SVEP1: variants seen among roughly 807,000 people sequenced by gnomAD.
SVEP1 encodes sushi, von Willebrand factor type A, EGF and pentraxin domain-containing protein 1.
SVEP1 carries 164 observed loss-of-function variants against 367.3 expected under a neutral mutation model. That is an observed-to-expected ratio of 0.45 (90% CI 0.39 to 0.51). The LOEUF is 0.51. Among genes scored for constraint, SVEP1 ranks in the 20% least tolerant of loss-of-function variants. The probability of loss-of-function intolerance (pLI) is 0.00; values close to 1 mark genes in which losing one functional copy is unlikely to be tolerated. For synonymous variants in SVEP1, 1,666 were observed against 1,611.6 expected (o/e 1.03, Z -0.81); for missense variants, 4,117 against 4,425.3 (o/e 0.93, Z 1.98).
rs1830671555 is a variant in SVEP1 at position 110,579,704 on chromosome 9, T to A, written c.-161A>T. ...CATCTGACACTGGGGACAGACACAA[T>A]CCAGACTCCTCAGCAGCTCGGGAAC... On this transcript the variant is annotated 5_prime_UTR_variant, in exon 1 of 48. Coordinates refer to ENST00000374469, the MANE Select transcript of SVEP1 (RefSeq NM_153366.4). This position sits in a 1 kb window ranked among gnomAD's most constrained non-coding sequence, Gnocchi z 5.3. 1 of 814,500 alleles carries A rather than the reference T, an allele frequency of 1.2e-6. No individual in the cohort carries two copies. Among genetic ancestry groups the A allele is most frequent in the Non-Finnish European group, 1.8e-6 (1 of 562,668 alleles). 50.5% of individuals were successfully genotyped at this position (814,500 alleles called of 1,614,324 possible).
intron 5 of SVEP1, among the ~76,000 whole-genome samples, chr9:110,505,598 A>C (rs192618238): frequency 2.0e-5 from 3 of 151,914 alleles, no homozygotes; most frequent in Admixed American, 2.0e-4. Flanking sequence ...TTCCCAGATC[A>C]TTCTCTCTCC....
Position 110,406,766 on chromosome 9 carries a change from T to G in SVEP1, c.8834A>C (p.Lys2945Thr), listed in dbSNP as rs770889615. ...TTCAGGAGGTCCACAGTTGACTGGT[T>G]TACAGAGAGGAATCTCTGCATCCCA... is the stretch of plus-strand genomic sequence containing the variant. ...GNWDAEIPLC[K>T]PVNCGPPEDL... Residue 2945 changes from lysine to threonine, a missense_variant, in exon 38 of 48, where the codon AAA becomes ACA. Coordinates refer to ENST00000374469, the MANE Select transcript of SVEP1 (RefSeq NM_153366.4). 1 of 1,614,026 alleles carries G rather than the reference T, an allele frequency of 6.2e-7. No homozygotes were observed. The highest frequency in any genetic ancestry group is 8.5e-7 in the Non-Finnish European group (1 of 1,179,896).
chr9:110,428,834 G>T (rs893779915), intron 35 of SVEP1, among the ~76,000 whole-genome samples: 1 of 152,192 alleles, frequency 6.6e-6, no homozygotes, highest in Non-Finnish European at 1.5e-5. Flanking sequence ...ACTTTGGGAG[G>T]TTGAGGCAGG....
chr9:110,450,467 G>GTTT (rs10656079), intron 23 of SVEP1, among the ~76,000 whole-genome samples: 17,590 of 101,842 alleles, frequency 0.17, 2,216 homozygotes, highest in African/African-American at 0.23. Flanking sequence ...TTGATAATCT[G>GTTT]TTTTTTTTTT....
chr9:110,420,078 C>T lies in SVEP1; in HGVS notation c.5975+7513G>A, dbSNP rs991008051. Among the ~76,000 whole-genome samples, 5 of 25,720 alleles carry T rather than the reference C, an allele frequency of 1.9e-4. 1 individual carries two copies. Among genetic ancestry groups the T allele is most frequent in the Admixed American group, 1.5e-3 (5 of 3,306 alleles). 16.9% of individuals were successfully genotyped at this position (25,720 alleles called of 152,430 possible). A position where few individuals can be genotyped will look rare whatever the true frequency, so the allele number is the denominator to read the frequency against. ...AGAACTAGAAAAGCAAGAGCAAACA[C>T]ATTCAAAAGCTAGCAGAAGGCAAGA... On this transcript the variant is annotated intron_variant, in intron 36 of 47. Transcript: ENST00000374469.
intron 3 of SVEP1, among the ~76,000 whole-genome samples, chr9:110,523,281 A>T (rs1829900285): frequency 6.6e-6 from 1 of 152,162 alleles, no homozygotes; most frequent in African/African-American, 2.4e-5. Flanking sequence ...TATCATTCAA[A>T]CCAAGTTGAA....
At chr9:110,471,711 G>A (rs895216719) in intron 15 of SVEP1, 114 bp from the exon 16 acceptor site, 25 of 729,468 alleles carry the variant, frequency 3.4e-5, no homozygotes, top group Middle Eastern at 3.3e-4. Context: ...CTAATAAGTG[G>A]TCTATAGAAA....
Position 110,515,474 on chromosome 9 carries a change from G to T in SVEP1, c.965-1368C>A, listed in dbSNP as rs185418773. On this transcript the variant is annotated intron_variant, in intron 3 of 47. Coordinates refer to ENST00000374469, the MANE Select transcript of SVEP1 (RefSeq NM_153366.4). ...CGCCACCACGCCTGGCTAATTTTTTGTATTTTTAGTAGAGACGGGGTTTCA... is the reference window on the plus strand; with the variant it reads ...CGCCACCACGCCTGGCTAATTTTTTTTATTTTTAGTAGAGACGGGGTTTCA... Among the ~76,000 whole-genome samples the T allele has an allele frequency of 6.3e-3, 960 of 151,916 alleles. 11 individuals carry two copies. Among genetic ancestry groups the T allele is most frequent in the African/African-American group, 0.022 (919 of 41,462 alleles).
intron 3 of SVEP1, among the ~76,000 whole-genome samples, chr9:110,527,353 A>C (rs1002013921): frequency 3.3e-5 from 5 of 152,064 alleles, no homozygotes; most frequent in Non-Finnish European, 7.4e-5. Flanking sequence ...ATATCCAGAA[A>C]TATTCAAAGC....
chr9:110,453,170 C>A (rs1342222607), intron 22 of SVEP1, among the ~76,000 whole-genome samples: 3 of 152,040 alleles, frequency 2.0e-5, no homozygotes, highest in South Asian at 2.1e-4. Flanking sequence ...AAATTATATA[C>A]CCACACATAT....
At chr9:110,413,663 T>TG (rs532690793) in intron 36 of SVEP1, among the ~76,000 whole-genome samples, 119 of 152,120 alleles carry the variant, frequency 7.8e-4, no homozygotes, top group Non-Finnish European at 1.5e-3. Context: ...CATATAATGA[T>TG]GGATTGATGA....
chr9:110,454,481 T>C (rs1828745628), intron 22 of SVEP1, among the ~76,000 whole-genome samples: 1 of 152,202 alleles, frequency 6.6e-6, no homozygotes, highest in Admixed American at 6.5e-5. Flanking sequence ...GAAAATAAAT[T>C]GTTCTACCAA....
chr9:110,392,133 T>TTATATATATATATA (rs35109985), intron 40 of SVEP1, among the ~76,000 whole-genome samples: 2,431 of 98,948 alleles, frequency 0.025, 51 homozygotes, highest in African/African-American at 0.036. Flanking sequence ...CAATTCCTCA[T>TTATATATATATATA]TATATATATA....
intron 9 of SVEP1, among the ~76,000 whole-genome samples, chr9:110,486,655 C>CTCT (rs1554718855): frequency 4.8e-5 from 7 of 146,524 alleles, no homozygotes; most frequent in African/African-American, 1.0e-4. Context: ...CTCTCTCTCT[C>CTCT]TTTTTTTTTT....
chr9:110,562,957 G>A (rs933895627), intron 1 of SVEP1, among the ~76,000 whole-genome samples: 2 of 152,166 alleles, frequency 1.3e-5, no homozygotes, highest in African/African-American at 4.8e-5. Flanking sequence ...CTCTGAAAGT[G>A]CCTCATCACT....
chr9:110,441,812 T>TA (rs1378624378), intron 27 of SVEP1, among the ~76,000 whole-genome samples: 1 of 152,210 alleles, frequency 6.6e-6, no homozygotes, highest in East Asian at 1.9e-4. Context: ...TACACCCTAT[T>TA]ACTTCTTTCT....
At position 110,407,250 on chromosome 9, in the gene SVEP1, C is replaced by T. The variant is rs781324402; in HGVS notation, c.8350G>A (p.Gly2784Arg). ...GTGTAGTTGCTTCCTTTGATGGATCCATTCATGACTGGATTTGGCTTTTTG... is the reference window on the plus strand; with the variant it reads ...GTGTAGTTGCTTCCTTTGATGGATCTATTCATGACTGGATTTGGCTTTTTG... The part of the protein sequence containing the change: ...SCKKPNPVMN[G>R]SIKGSNYTYL... The change falls in exon 38 of 48, where the codon GGA becomes AGA. Residue 2784 changes from glycine to arginine, a missense_variant. Around this residue, in one of 4 missense-constraint regions of SVEP1, gnomAD observed 1,765 missense variants for 1,781.1 expected, o/e 0.99. Transcript: ENST00000374469. 6.2e-7 allele frequency: 1 copy of T among 1,613,852 alleles called. No individual in the cohort carries two copies. The highest frequency in any genetic ancestry group is 8.5e-7 in the Non-Finnish European group (1 of 1,179,904).
chr9:110,510,285 T>C (rs1248738265), intron 5 of SVEP1, among the ~76,000 whole-genome samples: 1 of 152,212 alleles, frequency 6.6e-6, no homozygotes, highest in African/African-American at 2.4e-5. Context: ...AGTTGACTTG[T>C]CAAGAACTCC....
At chr9:110,444,356 G>A (rs1373057057) in intron 26 of SVEP1, among the ~76,000 whole-genome samples, 1 of 147,020 alleles carries the variant, frequency 6.8e-6, no homozygotes, top group Non-Finnish European at 1.5e-5. Context: ...GGACAGGAAA[G>A]TAGGGCCTCC....
Sources: gnomAD v4.1 joint callset for allele counts (sites outside exome capture counted in the v4.1 genomes callset) on GRCh38, gnomAD v4.1.1 for gene constraint, gnomAD v4.1.1 regional missense constraint, Gnocchi (gnomAD v3.1) non-coding constraint, MANE v1.5 for transcripts, NCBI Gene and HGNC (gene_info 2026-07-23, HGNC 2026-07-21) for gene names.